RICTOR: variants seen among roughly 807,000 people sequenced by gnomAD.
RICTOR encodes the protein rapamycin-insensitive companion of mTOR.
RICTOR carries 49 observed loss-of-function variants against 214.9 expected under a neutral mutation model. That is an observed-to-expected ratio of 0.23 (90% CI 0.18 to 0.29). The LOEUF (loss-of-function observed/expected upper bound fraction) is 0.29. Among genes scored for constraint, RICTOR ranks in the 10% least tolerant of loss-of-function variants. The probability of loss-of-function intolerance (pLI) is 1.00; values close to 1 mark genes in which losing one functional copy is unlikely to be tolerated. For synonymous variants in RICTOR, 717 were observed against 711.3 expected, an observed-to-expected ratio of 1.01 and a Z score of -0.13; for missense variants, 1,625 against 2,047.0, an observed-to-expected ratio of 0.79 and a Z score of 3.98.
intron 2 of RICTOR, among the ~76,000 whole-genome samples, chr5:39,049,556 C>G (rs1757708981): frequency 6.6e-6 from 1 of 151,168 alleles, no homozygotes; most frequent in Non-Finnish European, 1.5e-5. Context: ...CAGTAGCAAG[C>G]CAGATTTGCA....
chr5:38,956,503 T>C (rs1393419541), intron 25 of RICTOR, among the ~76,000 whole-genome samples: 1 of 152,124 alleles, frequency 6.6e-6, no homozygotes, highest in Admixed American at 6.5e-5. Context: ...CAATGATCTA[T>C]ACAGCTTTAT....
At chr5:38,972,798 T>C (rs1437806740) in intron 10 of RICTOR, among the ~76,000 whole-genome samples, 1 of 151,598 alleles carries the variant, frequency 6.6e-6, no homozygotes, top group Non-Finnish European at 1.5e-5. Context: ...AAAAAAAGTT[T>C]GTATGGAATT....
chr5:38,946,546 C>T lies in RICTOR; in HGVS notation c.4321G>A (p.Asp1441Asn), dbSNP rs776169234. The T allele has an allele frequency of 6.3e-7, 1 of 1,591,574 alleles. No individual in the cohort carries two copies. Among genetic ancestry groups the T allele is most frequent in the Admixed American group, 1.7e-5 (1 of 59,926 alleles). The change falls in exon 33 of 38, where the codon GAT (aspartate) becomes AAT (asparagine). Residue 1441 changes from aspartate (D) to asparagine (N), a missense_variant. Transcript: ENST00000357387. ...VDINDIFQVK[D>N]IPYFQTKNIP... ...TTTTTTGTCTGAAAATAGGGAATATCCTTTACCTAAAAAAAGATATAAACC... is the reference window on the plus strand; with the variant it reads ...TTTTTTGTCTGAAAATAGGGAATATTCTTTACCTAAAAAAAGATATAAACC...
intron 2 of RICTOR, among the ~76,000 whole-genome samples, chr5:39,063,333 T>C (rs1465958822): frequency 2.0e-5 from 3 of 152,258 alleles, no homozygotes; most frequent in Admixed American, 6.5e-5. Context: ...CATTCTTCAA[T>C]AGTTAAGGGA....
Position 38,952,250 on chromosome 5 carries a change from T to C in RICTOR, c.3073A>G (p.Asn1025Asp), listed in dbSNP as rs950147653. Residue 1025 changes from asparagine to aspartate, a missense_variant, in exon 30 of 38, where the codon AAC becomes GAC. This residue lies in a region of RICTOR where 1,214 missense variants were observed against 1,470.5 expected (regional missense o/e 0.83). Coordinates refer to ENST00000357387, the MANE Select transcript of RICTOR (RefSeq NM_152756.5). Reference protein sequence around the residue: ...LSSIPSTLSLNSESTSSRHNS... With the variant: ...LSSIPSTLSLDSESTSSRHNS... ...TGTCTAGAGCTGGTTGACTCCGAGT[T>C]CAAACTTAGAGTGCTTGGGATAGAT... 1.2e-6 allele frequency: 2 copies of C among 1,612,996 alleles called. No homozygotes were observed. Among genetic ancestry groups the C allele is most frequent in the Admixed American group, 3.3e-5 (2 of 59,898 alleles).
intron 5 of RICTOR, among the ~76,000 whole-genome samples, chr5:38,998,877 G>A (rs146635339): frequency 6.6e-6 from 1 of 151,686 alleles, no homozygotes; most frequent in Admixed American, 6.6e-5. Flanking sequence ...TTAGCCAGGC[G>A]TGGTGGTGCG....
chr5:39,028,857 C>A (rs1379220728), intron 2 of RICTOR, among the ~76,000 whole-genome samples: 1 of 152,074 alleles, frequency 6.6e-6, no homozygotes, highest in Non-Finnish European at 1.5e-5. Flanking sequence ...ACGAATGTGC[C>A]ACTGCACTCC....
intron 23 of RICTOR, 31 bp downstream of exon 23, chr5:38,958,636 A>C: frequency 1.3e-6 from 2 of 1,539,052 alleles, no homozygotes; most frequent in South Asian, 1.2e-5. Context: ...AAAAAAATTT[A>C]AGTATTAAAT....
chr5:39,058,176 G>A (rs935339935), intron 2 of RICTOR, among the ~76,000 whole-genome samples: 2 of 151,690 alleles, frequency 1.3e-5, no homozygotes, highest in African/African-American at 2.4e-5. Context: ...TTCTTAGGGG[G>A]CAAATAATCA....
At chr5:38,951,885 CAAAT>C (rs1193727283) in intron 30 of RICTOR, among the ~76,000 whole-genome samples, 3 of 151,828 alleles carry the variant, frequency 2.0e-5, no homozygotes, top group East Asian at 1.9e-4. Context: ...AGAAGGTAGA[CAAAT>C]AAATACTTGT....
At chr5:39,071,076 C>T (rs1246617718) in intron 2 of RICTOR, among the ~76,000 whole-genome samples, 1 of 152,122 alleles carries the variant, frequency 6.6e-6, no homozygotes, top group African/African-American at 2.4e-5. Flanking sequence ...ACACAAGTAC[C>T]AAAACCAACG....
At chr5:39,026,946 T>G (rs1376158685) in intron 2 of RICTOR, among the ~76,000 whole-genome samples, 1 of 151,908 alleles carries the variant, frequency 6.6e-6, no homozygotes, top group Non-Finnish European at 1.5e-5. Flanking sequence ...AAACGGAGGT[T>G]GTGGTGAGCC....
chr5:39,074,354 G>A lies in RICTOR; in HGVS notation c.24C>T (p.Arg8=). Residue 8 remains arginine, a synonymous_variant, in exon 1 of 38, where the codon CGC becomes CGT. Transcript: ENST00000357387. ...CTCGTACTCGGAGGTTCTTCAGAGA[G>A]CGGCCGCGGCCGATCGCCGCCATAT... MAAIGRG[R]SLKNLRVRGR... The A allele has an allele frequency of 6.5e-7, 1 of 1,538,710 alleles. No individual in the cohort carries two copies. The highest frequency in any genetic ancestry group is 8.8e-7 in the Non-Finnish European group (1 of 1,142,060).
Position 38,938,638 on chromosome 5 carries a change from A to T in RICTOR, c.*3666T>A, listed in dbSNP as rs1747220050. ...CTGTGAGTCATATAAACCTACTAGG[A>T]ATGAAAAATACCCTGGAACTTGGAA... is the stretch of plus-strand genomic sequence containing the variant. On this transcript the variant is annotated 3_prime_UTR_variant, in exon 38 of 38. Coordinates refer to ENST00000357387, the MANE Select transcript of RICTOR (RefSeq NM_152756.5). 8.6e-6 allele frequency: 2 copies of T among 232,680 alleles called. No individual in the cohort carries two copies. The highest frequency in any genetic ancestry group is 4.4e-5 in the African/African-American group (2 of 45,338). The allele number at this position is 232,680 out of a possible 1,614,324, so 14.4% of individuals were successfully genotyped here.
rs1748871097 is a variant in RICTOR, at chr5:38,952,397, C to T, written c.2926G>A (p.Ala976Thr). Residue 976 changes from alanine (A) to threonine (T), a missense_variant, in exon 30 of 38, where the codon GCT becomes ACT. Ala to Thr is a moderately conservative substitution (Grantham distance 58, BLOSUM62 0). This residue lies in a region of RICTOR where 1,214 missense variants were observed against 1,470.5 expected (regional missense o/e 0.83). Coordinates refer to ENST00000357387, the MANE Select transcript of RICTOR (RefSeq NM_152756.5). Reference protein sequence around the residue: ...GTCVYVLGLIAKTKQGCDILK... With the variant: ...GTCVYVLGLITKTKQGCDILK... Reference sequence around the variant, plus strand: ...ATATCACAGCCTTGTTTGGTTTTAGCTATGAGCCCAAGTACATATACACAG... The same window carrying T: ...ATATCACAGCCTTGTTTGGTTTTAGTTATGAGCCCAAGTACATATACACAG... 1.2e-6 allele frequency: 2 copies of T among 1,612,120 alleles called. No individual in the cohort carries two copies. Among genetic ancestry groups the T allele is most frequent in the Middle Eastern group, 1.7e-4 (1 of 6,050 alleles).
intron 32 of RICTOR, 48 bp from the exon 33 acceptor site, chr5:38,946,600 C>T (rs898261467): frequency 8.6e-7 from 1 of 1,168,458 alleles, no homozygotes; most frequent in African/African-American, 1.5e-5. Context: ...AAAATAAGCC[C>T]ACTTTATGAA....
rs953692211 is a variant in RICTOR, at chr5:39,053,489, C to A, written c.97+20622G>T. ...CCATGATTTTACTTTACCAAAGGCA[C>A]ACGTGCTCATGCTATAGCCTCTTTA... On this transcript the variant is annotated intron_variant, in intron 2 of 37. Coordinates refer to ENST00000357387, the MANE Select transcript of RICTOR (RefSeq NM_152756.5). Among the ~76,000 whole-genome samples, 4 of 152,206 alleles carry A rather than the reference C, an allele frequency of 2.6e-5. 1 individual carries two copies. Among genetic ancestry groups the A allele is most frequent in the African/African-American group, 9.6e-5 (4 of 41,460 alleles).
chr5:39,033,029 G>A (rs747694041), intron 2 of RICTOR, among the ~76,000 whole-genome samples: 2 of 152,112 alleles, frequency 1.3e-5, no homozygotes, highest in East Asian at 1.9e-4. Context: ...TATCTGATTT[G>A]TCAGGGTTCC....
At chr5:39,055,640 G>A (rs1758156995) in intron 2 of RICTOR, among the ~76,000 whole-genome samples, 1 of 152,044 alleles carries the variant, frequency 6.6e-6, no homozygotes, top group Non-Finnish European at 1.5e-5. Flanking sequence ...GTGACAGAGA[G>A]GCAGACATGT....
Sources: gnomAD v4.1 joint callset for allele counts (sites outside exome capture counted in the v4.1 genomes callset) on GRCh38, gnomAD v4.1.1 for gene constraint, gnomAD v4.1.1 regional missense constraint, MANE v1.5 for transcripts, NCBI Gene and HGNC (gene_info 2026-07-23, HGNC 2026-07-21) for gene names.